The following SLC6A16 variants were observed in gnomAD, a reference collection of about 807,000 sequenced individuals.
The protein encoded by SLC6A16 is orphan sodium- and chloride-dependent neurotransmitter transporter NTT5.
Under a neutral mutation model 65.4 loss-of-function variants are expected in SLC6A16, and 54 were observed. The ratio of observed to expected loss-of-function variants is 0.83; its 90% CI spans 0.66 to 1.04. SLC6A16 has a LOEUF of 1.04. SLC6A16 is among the 50% of genes least tolerant of loss of function. SLC6A16 has a pLI of 0.00. For missense variants in SLC6A16, 816 were observed against 914.0 expected, an observed-to-expected ratio of 0.89 and a Z score of 1.38; for synonymous variants, 330 against 346.5, an observed-to-expected ratio of 0.95 and a Z score of 0.53.
rs5828385 is a variant in SLC6A16, at chr19:49,313,072, CAAA to C, written c.-64-1664_-64-1662del. Among the ~76,000 whole-genome samples, 70 of 95,728 alleles carry C rather than the reference CAAA, an allele frequency of 7.3e-4. 1 individual carries two copies. Among genetic ancestry groups the C allele is most frequent in the Middle Eastern group, 0.011 (2 of 180 alleles). 62.8% of individuals were successfully genotyped at this position (95,728 alleles called of 152,430 possible). On this transcript the variant is annotated intron_variant, in intron 1 of 11. Transcript: ENST00000335875. ...CACTCCAGCCTGGGCAACCCTGTCT[CAAA>C]AAAAAAAAAAAAAAAAAAAAGACGA...
At chr19:49,329,356 G>C (rs765497316), upstream of SLC6A16, among the ~76,000 whole-genome samples, 1 of 152,032 alleles carries the variant, frequency 6.6e-6, no homozygotes, top group Non-Finnish European at 1.5e-5. Flanking sequence ...CAAAGTGCTG[G>C]GATTACAGTG....
At chr19:49,337,913 G>A in the SLC6A16 span, 1 of 1,613,964 alleles carries the variant, frequency 6.2e-7, no homozygotes, top group Admixed American at 1.7e-5. Flanking sequence ...AGCCTCACTG[G>A]TGGCCTCTCA....
rs1177469960 is a variant in SLC6A16 at position 49,309,293 on chromosome 19, G to C, written c.987+8C>G. On this transcript the variant is annotated splice_region_variant and intron_variant, in intron 6 of 11. Coordinates refer to ENST00000335875, the MANE Select transcript of SLC6A16 (RefSeq NM_014037.3). ...GGCCTGACGGGGGAGTGAGGAGATA[G>C]ATTTCACCTTGGCAACCACCAACTG... 1.2e-6 allele frequency: 2 copies of C among 1,604,982 alleles called. No individual in the cohort carries two copies. The highest frequency in any genetic ancestry group is 1.7e-6 in the Non-Finnish European group (2 of 1,171,770).
At chr19:49,340,292 G>A in the SLC6A16 span, 3 of 1,613,830 alleles carry the variant, frequency 1.9e-6, no homozygotes, top group East Asian at 6.7e-5. Context: ...GCAGAAACCT[G>A]GACCACGTCT....
Position 49,290,073 on chromosome 19 carries a change from C to T in SLC6A16, c.*50G>A. Reference sequence around the variant, plus strand: ...GTTGCAAGCTGATATTAAGAGTTGTCTATTGGATCTGTTCTAAGGGATATG... The same window carrying T: ...GTTGCAAGCTGATATTAAGAGTTGTTTATTGGATCTGTTCTAAGGGATATG... On this transcript the variant is annotated 3_prime_UTR_variant, in exon 12 of 12. Coordinates refer to ENST00000335875, the MANE Select transcript of SLC6A16 (RefSeq NM_014037.3). 1 of 1,557,896 alleles carries T rather than the reference C, an allele frequency of 6.4e-7. No homozygotes were observed. The highest frequency in any genetic ancestry group is 8.7e-7 in the Non-Finnish European group (1 of 1,144,116).
chr19:49,321,066 C>A (rs1970702428), intron 1 of SLC6A16, among the ~76,000 whole-genome samples: 1 of 151,956 alleles, frequency 6.6e-6, no homozygotes, highest in Non-Finnish European at 1.5e-5. Flanking sequence ...AAGAAAAGAA[C>A]ACTACAGACC....
chr19:49,308,798 G>A (rs777122216), intron 7 of SLC6A16, 78 bp downstream of exon 7: 2 of 1,568,540 alleles, frequency 1.3e-6, no homozygotes, highest in Admixed American at 1.7e-5. Context: ...ATGGGTCTTT[G>A]CAGCACCTTT....
the SLC6A16 span, chr19:49,335,964 A>G: frequency 3.1e-6 from 2 of 635,366 alleles, no homozygotes; most frequent in East Asian, 2.6e-5. This position sits in a 1 kb window ranked among gnomAD's most constrained non-coding sequence, Gnocchi z 4.6. Flanking sequence ...GGGGTTGTGC[A>G]TACAAACAAC....
intron 7 of SLC6A16, among the ~76,000 whole-genome samples, chr19:49,299,546 A>AAAAAGAAAGAAAG (rs1555775036): frequency 6.3e-5 from 8 of 126,488 alleles, no homozygotes; most frequent in African/African-American, 2.6e-4. Flanking sequence ...AAAAAAAAAA[A>AAAAAGAAAGAAAG]AAAGAAAGAA....
rs1312017348 is a variant in SLC6A16 at position 49,294,123 on chromosome 19, C to T, written c.1417-95G>A. 5.5e-6 allele frequency: 6 copies of T among 1,090,040 alleles called. No individual in the cohort carries two copies. The East Asian group carries it at 1.5e-4, about 27-fold the overall frequency. 67.5% of individuals were successfully genotyped at this position (1,090,040 alleles called of 1,614,324 possible). A position where few individuals can be genotyped will look rare whatever the true frequency, so the allele number is the denominator to read the frequency against. On this transcript the variant is annotated intron_variant, in intron 8 of 11. Coordinates refer to ENST00000335875, the MANE Select transcript of SLC6A16 (RefSeq NM_014037.3). ...TACATTCTATCTTCCCTGGAAAACT[C>T]CTGAAAATCCCTGGATCACTGAGAA...
chr19:49,309,827 C>A lies in SLC6A16; in HGVS notation c.701-1G>T. 1 of 1,606,516 alleles carries A rather than the reference C, an allele frequency of 6.2e-7. No homozygotes were observed. Among genetic ancestry groups the A allele is most frequent in the East Asian group, 2.2e-5 (1 of 44,614 alleles). Reference sequence around the variant, plus strand: ...GGTGTTGTCCGTTCACATTCAGGATCTGGGGGGACCTGGCTTTAGACATGC... The same window carrying A: ...GGTGTTGTCCGTTCACATTCAGGATATGGGGGGACCTGGCTTTAGACATGC... On this transcript the variant is annotated splice_acceptor_variant, in intron 4 of 11. Transcript: ENST00000335875. LOFTEE classifies it high-confidence loss of function.
upstream of SLC6A16, among the ~76,000 whole-genome samples, chr19:49,329,800 T>C (rs569451444): frequency 6.6e-6 from 1 of 151,828 alleles, no homozygotes; most frequent in Non-Finnish European, 1.5e-5. Context: ...GCCTGGCTAA[T>C]TTTTTGTATT....
the SLC6A16 span, chr19:49,339,895 G>T: frequency 7.4e-7 from 1 of 1,346,636 alleles, no homozygotes. This position sits in a 1 kb window ranked among gnomAD's most constrained non-coding sequence, Gnocchi z 4.5. Context: ...GCCGCTGTGG[G>T]TTCAAGACGA....
At chr19:49,335,852 G>A in the SLC6A16 span, 2 of 1,291,280 alleles carry the variant, frequency 1.5e-6, no homozygotes, top group Non-Finnish European at 1.1e-6. This position sits in a 1 kb window ranked among gnomAD's most constrained non-coding sequence, Gnocchi z 4.6. Context: ...GGTCTCCCTT[G>A]TCTCAGGGAG....
the SLC6A16 span, chr19:49,337,613 A>C: frequency 6.8e-7 from 1 of 1,462,752 alleles, no homozygotes. Flanking sequence ...TGTCTCAAAA[A>C]ATAAATTAAT....
chr19:49,331,464 G>T, the SLC6A16 span, among the ~76,000 whole-genome samples: 1 of 152,134 alleles, frequency 6.6e-6, no homozygotes, highest in African/African-American at 2.4e-5. Flanking sequence ...TTACAGGCAT[G>T]AGCCACCTCA....
chr19:49,336,277 CGGGCGCG>C, the SLC6A16 span: 8,841 of 161,378 alleles, frequency 0.055, 311 homozygotes, highest in Non-Finnish European at 0.079. Context: ...CCCTAGGGGC[CGGGCGCG>C]GTGGCTCACA....
At chr19:49,291,346 C>T (rs1024643894) in intron 10 of SLC6A16, among the ~76,000 whole-genome samples, 1 of 151,958 alleles carries the variant, frequency 6.6e-6, no homozygotes, top group East Asian at 1.9e-4. Flanking sequence ...ATCTATGCCC[C>T]CGGAGTTTCC....
chr19:49,339,910 C>T, the SLC6A16 span: 1 of 1,356,620 alleles, frequency 7.4e-7, no homozygotes, highest in Non-Finnish European at 9.5e-7. The surrounding 1 kb of genome is among the most constrained non-coding windows in gnomAD (Gnocchi z 4.5). Context: ...AGACGAGGAC[C>T]AGCCTGACAC....
Sources: gnomAD v4.1 joint callset for allele counts (sites outside exome capture counted in the v4.1 genomes callset) on GRCh38, gnomAD v4.1.1 for gene constraint, Gnocchi (gnomAD v3.1) non-coding constraint, MANE v1.5 for transcripts, NCBI Gene and HGNC (gene_info 2026-07-23, HGNC 2026-07-21) for gene names.